Variants in CSMD1 observed in about 807,000 individuals in gnomAD.
CSMD1 encodes the protein CUB and Sushi multiple domains 1.
In CSMD1, 213 loss-of-function variants were observed where a neutral mutation model predicts 417.5. The observed-to-expected ratio is 0.51, with a 90% CI of 0.46 to 0.57. The LOEUF is 0.57. Ranked by LOEUF, CSMD1 falls within the 20% of genes least tolerant of loss-of-function variation. The pLI, the probability that CSMD1 is intolerant of heterozygous loss-of-function variation, is 0.00. For synonymous variants in CSMD1, 2,862 were observed against 1,736.8 expected (o/e 1.65, Z -16.11); for missense variants, 6,923 against 4,529.7 (o/e 1.53, Z -15.17).
intron 2 of CSMD1, among the ~76,000 whole-genome samples, chr8:4,502,291 C>A (rs927673751): frequency 6.6e-6 from 1 of 151,946 alleles, no homozygotes; most frequent in Admixed American, 6.6e-5. Flanking sequence ...TTAGATTCTC[C>A]GAGGCTCAGT....
At chr8:3,982,396 A>G (rs1171382267) in intron 5 of CSMD1, among the ~76,000 whole-genome samples, 1 of 151,846 alleles carries the variant, frequency 6.6e-6, no homozygotes, top group African/African-American at 2.4e-5. Context: ...TAGGAAAATT[A>G]AATGAGCTAA....
intron 3 of CSMD1, among the ~76,000 whole-genome samples, chr8:4,063,900 C>T (rs759357606): frequency 7.9e-5 from 12 of 152,130 alleles, no homozygotes; most frequent in Non-Finnish European, 2.9e-5. Flanking sequence ...TCAAATCGTG[C>T]ACAATGATGT....
intron 6 of CSMD1, among the ~76,000 whole-genome samples, chr8:3,715,475 C>T (rs750055605): frequency 6.6e-6 from 1 of 152,054 alleles, no homozygotes; most frequent in Admixed American, 6.6e-5. Flanking sequence ...CATGATTAAC[C>T]CAATTATAAA....
At chr8:4,911,043 T>C (rs1434790808) in intron 1 of CSMD1, among the ~76,000 whole-genome samples, 1 of 152,214 alleles carries the variant, frequency 6.6e-6, no homozygotes, top group African/African-American at 2.4e-5. Context: ...CCATGTAAGA[T>C]GTGACTTGCT....
intron 26 of CSMD1, among the ~76,000 whole-genome samples, chr8:3,252,876 G>T (rs929478296): frequency 2.6e-5 from 4 of 152,034 alleles, no homozygotes; most frequent in Admixed American, 6.6e-5. Context: ...TTCTCTGATG[G>T]TAGTTTGTAT....
At chr8:4,218,719 T>C (rs564490853) in intron 3 of CSMD1, among the ~76,000 whole-genome samples, 18 of 152,322 alleles carry the variant, frequency 1.2e-4, no homozygotes, top group African/African-American at 4.1e-4. Context: ...ATTACAGTGA[T>C]GGTGACTGGT....
rs139434079 is a variant in CSMD1, at chr8:3,464,105, C to G, written c.1561+4607G>C. The stretch of plus-strand genomic sequence containing the variant: ...AGCAGCACATCACAGGAAACAGTTC[C>G]TTTAATTCACCCCCTGCTGGAATGT... On this transcript the variant is annotated intron_variant, in intron 12 of 69. Coordinates refer to ENST00000635120, the MANE Select transcript of CSMD1 (RefSeq NM_033225.6). Among the ~76,000 whole-genome samples the G allele has an allele frequency of 4.9e-3, 745 of 152,302 alleles. 8 individuals carry two copies. Among genetic ancestry groups the G allele is most frequent in the African/African-American group, 0.017 (706 of 41,544 alleles).
chr8:3,705,620 G>A (rs73658213), intron 7 of CSMD1, among the ~76,000 whole-genome samples: 2,832 of 152,304 alleles, frequency 0.019, 81 homozygotes, highest in African/African-American at 0.065. Flanking sequence ...AGGGGGCTGT[G>A]GAACAAGAGC....
chr8:4,110,959 G>C lies in CSMD1; in HGVS notation c.416-78860C>G, dbSNP rs578232661. On this transcript the variant is annotated intron_variant, in intron 3 of 69. Coordinates refer to ENST00000635120, the MANE Select transcript of CSMD1 (RefSeq NM_033225.6). ...AGCTGATCAATTAATAAGTATTACA[G>C]TTTCTTTCTAAAATGCAATCTGAGC... Among the ~76,000 whole-genome samples, 33 of 152,192 alleles carry C rather than the reference G, an allele frequency of 2.2e-4. No individual in the cohort carries two copies. In the South Asian group the frequency reaches 6.4e-3, roughly 30 times the overall value.
Position 3,230,988 on chromosome 8 carries a change from T to C in CSMD1, c.4154-757A>G, listed in dbSNP as rs1411478692. Among the ~76,000 whole-genome samples, 3 of 152,138 alleles carry C rather than the reference T, an allele frequency of 2.0e-5. No individual in the cohort carries two copies. In the East Asian group the frequency reaches 5.8e-4, roughly 29 times the overall value. ...TTATCATATCAGTTTCTGGTAATCA[T>C]GTGTAAAGTGCATTGCAAACGGCGA... is the stretch of plus-strand genomic sequence containing the variant. On this transcript the variant is annotated intron_variant, in intron 26 of 69. Transcript: ENST00000635120.
intron 10 of CSMD1, among the ~76,000 whole-genome samples, chr8:3,550,309 T>A (rs1348412353): frequency 6.6e-6 from 1 of 152,134 alleles, no homozygotes; most frequent in Non-Finnish European, 1.5e-5. Flanking sequence ...AATTCCCACC[T>A]TTTTGGCATT....
intron 2 of CSMD1, among the ~76,000 whole-genome samples, chr8:4,512,861 C>A (rs776206834): frequency 2.0e-5 from 3 of 150,546 alleles, no homozygotes; most frequent in Non-Finnish European, 4.4e-5. Context: ...TCAGCTCTTT[C>A]GAACTTTAAA....
chr8:3,773,461 AT>A (rs1201294063), intron 5 of CSMD1, among the ~76,000 whole-genome samples: 4 of 151,952 alleles, frequency 2.6e-5, no homozygotes, highest in Admixed American at 2.6e-4. Flanking sequence ...TAATTATTGT[AT>A]TTTTTGTAGA....
chr8:4,667,578 T>G (rs1805020993), intron 1 of CSMD1, among the ~76,000 whole-genome samples: 1 of 152,176 alleles, frequency 6.6e-6, no homozygotes, highest in South Asian at 2.1e-4. Context: ...TTTTTATATA[T>G]TTTCTTGGAT....
chr8:3,169,046 G>A (rs1266715239), intron 37 of CSMD1, among the ~76,000 whole-genome samples: 1 of 152,164 alleles, frequency 6.6e-6, no homozygotes, highest in East Asian at 1.9e-4. Context: ...TCTGGTCACA[G>A]GACTATTTTG....
chr8:4,445,018 G>A (rs377743490), intron 2 of CSMD1, among the ~76,000 whole-genome samples: 1 of 152,294 alleles, frequency 6.6e-6, no homozygotes, highest in East Asian at 1.9e-4. Context: ...GTGTTAAAAT[G>A]AAAACCTATA....
chr8:4,088,378 G>T (rs77994750), intron 3 of CSMD1, among the ~76,000 whole-genome samples: 3,953 of 152,304 alleles, frequency 0.026, 175 homozygotes, highest in African/African-American at 0.089. Flanking sequence ...ACTTTTGCGG[G>T]AAAGAGCTTT....
At chr8:4,493,683 C>A (rs1226637006) in intron 2 of CSMD1, among the ~76,000 whole-genome samples, 1 of 152,012 alleles carries the variant, frequency 6.6e-6, no homozygotes, top group Non-Finnish European at 1.5e-5. Context: ...TGAGAGAGTG[C>A]AACTCTACCT....
chr8:4,391,337 A>G (rs1803837738), intron 3 of CSMD1, among the ~76,000 whole-genome samples: 1 of 152,160 alleles, frequency 6.6e-6, no homozygotes, highest in African/African-American at 2.4e-5. Context: ...TCATCCCTTG[A>G]CTGAGCTGAG....
Sources: gnomAD v4.1 joint callset for allele counts (sites outside exome capture counted in the v4.1 genomes callset) on GRCh38, gnomAD v4.1.1 for gene constraint, MANE v1.5 for transcripts, NCBI Gene and HGNC (gene_info 2026-07-23, HGNC 2026-07-21) for gene names.